GNA14: variants seen among roughly 807,000 people sequenced by gnomAD.
The protein encoded by GNA14 is guanine nucleotide-binding protein subunit alpha-14.
Under a neutral mutation model 42.0 loss-of-function variants are expected in GNA14, and 50 were observed. The ratio of observed to expected loss-of-function variants is 1.19; its 90% CI spans 0.95 to 1.51. The LOEUF (loss-of-function observed/expected upper bound fraction) is 1.51, where lower values mean the gene tolerates loss of function less well. Among genes scored for constraint, GNA14 ranks in the 40% most tolerant of loss-of-function variants. The probability of loss-of-function intolerance (pLI) is 0.00; values close to 1 mark genes in which losing one functional copy is unlikely to be tolerated. For missense variants in GNA14, 473 were observed against 446.2 expected (o/e 1.06, Z -0.54); for synonymous variants, 173 against 163.1 (o/e 1.06, Z -0.46).
chr9:77,603,757 A>G (rs1823604571), intron 1 of GNA14, among the ~76,000 whole-genome samples: 1 of 151,952 alleles, frequency 6.6e-6, no homozygotes, highest in African/African-American at 2.4e-5. Flanking sequence ...CGAGGTCAGG[A>G]GATTGAGACT....
At chr9:77,425,236 C>T (rs1564009897) in intron 6 of GNA14, among the ~76,000 whole-genome samples, 1 of 152,120 alleles carries the variant, frequency 6.6e-6, no homozygotes, top group Non-Finnish European at 1.5e-5. Context: ...AAGGAGGAGG[C>T]ACCCTTCCTG....
intron 1 of GNA14, among the ~76,000 whole-genome samples, chr9:77,636,266 CTAA>C (rs1824182343): frequency 1.3e-5 from 2 of 152,278 alleles, no homozygotes; most frequent in South Asian, 4.1e-4. Flanking sequence ...GATAATCCAT[CTAA>C]TAATAACTGA....
intron 2 of GNA14, among the ~76,000 whole-genome samples, chr9:77,480,658 G>C (rs1377572203): frequency 6.6e-6 from 1 of 152,160 alleles, no homozygotes; most frequent in East Asian, 1.9e-4. Flanking sequence ...GTAGAATTCG[G>C]CTGTGAATCC....
intron 1 of GNA14, among the ~76,000 whole-genome samples, chr9:77,624,909 C>T (rs183645893): frequency 3.3e-5 from 5 of 151,862 alleles, no homozygotes; most frequent in Admixed American, 1.3e-4. Flanking sequence ...ATGAATTTGA[C>T]GAATTGACCG....
chr9:77,563,906 AC>A (rs1443986620), intron 1 of GNA14, among the ~76,000 whole-genome samples: 2 of 152,190 alleles, frequency 1.3e-5, no homozygotes, highest in African/African-American at 4.8e-5. Flanking sequence ...GACCAGCACT[AC>A]TTTTACAAGC....
intron 1 of GNA14, among the ~76,000 whole-genome samples, chr9:77,566,607 CAAAT>C (rs1194094670): frequency 6.6e-6 from 1 of 152,132 alleles, no homozygotes; most frequent in Non-Finnish European, 1.5e-5. Flanking sequence ...CTTTAAAGAA[CAAAT>C]AAATAAATCC....
At chr9:77,545,699 T>C (rs1213690395) in intron 1 of GNA14, among the ~76,000 whole-genome samples, 2 of 152,194 alleles carry the variant, frequency 1.3e-5, no homozygotes, top group African/African-American at 4.8e-5. Flanking sequence ...AGTGTCCAAC[T>C]CATCCTCACA....
chr9:77,634,857 T>G (rs569738530), intron 1 of GNA14, among the ~76,000 whole-genome samples: 19 of 152,330 alleles, frequency 1.2e-4, no homozygotes, highest in African/African-American at 3.8e-4. Flanking sequence ...CTTAGCATTG[T>G]GGGTTCAATA....
chr9:77,473,797 G>A (rs1836372377), intron 2 of GNA14, among the ~76,000 whole-genome samples: 1 of 152,088 alleles, frequency 6.6e-6, no homozygotes, highest in Non-Finnish European at 1.5e-5. Flanking sequence ...AAACAGTGTG[G>A]TACTGGCATA....
At chr9:77,616,800 T>C (rs1398617368) in intron 1 of GNA14, among the ~76,000 whole-genome samples, 1 of 152,206 alleles carries the variant, frequency 6.6e-6, no homozygotes, top group Non-Finnish European at 1.5e-5. Context: ...TCCAGCTCTC[T>C]GTGTTAGGGC....
At chr9:77,456,806 T>TA (rs1321861070) in intron 2 of GNA14, among the ~76,000 whole-genome samples, 1 of 152,108 alleles carries the variant, frequency 6.6e-6, no homozygotes, top group African/African-American at 2.4e-5. Flanking sequence ...AATATTATAG[T>TA]AAAAATAAAT....
intron 5 of GNA14, among the ~76,000 whole-genome samples, chr9:77,428,254 A>AT (rs955191918): frequency 6.0e-5 from 9 of 151,040 alleles, no homozygotes; most frequent in African/African-American, 2.2e-4. Context: ...AATTTTTTGT[A>AT]TTTTTTAGTA....
intron 2 of GNA14, among the ~76,000 whole-genome samples, chr9:77,451,033 A>G (rs1835893405): frequency 1.3e-5 from 2 of 152,112 alleles, no homozygotes; most frequent in South Asian, 4.1e-4. Context: ...TAAATTACCC[A>G]GTCTTGGGTT....
At chr9:77,450,296 C>T (rs538254298) in intron 2 of GNA14, among the ~76,000 whole-genome samples, 3 of 152,210 alleles carry the variant, frequency 2.0e-5, no homozygotes, top group African/African-American at 7.2e-5. Flanking sequence ...GTGGTCAGCC[C>T]CAGCAAAACA....
chr9:77,433,525 G>A (rs1202024960), intron 3 of GNA14, among the ~76,000 whole-genome samples: 1 of 151,782 alleles, frequency 6.6e-6, no homozygotes, highest in African/African-American at 2.4e-5. Context: ...CAGCTGCCCA[G>A]CTAATTTTTG....
chr9:77,625,203 G>T (rs1239645312), intron 1 of GNA14, among the ~76,000 whole-genome samples: 1 of 151,950 alleles, frequency 6.6e-6, no homozygotes, highest in Admixed American at 6.6e-5. Flanking sequence ...GACAAAAAAA[G>T]AATGAAAAGG....
At chr9:77,626,243 A>G (rs562644378) in intron 1 of GNA14, among the ~76,000 whole-genome samples, 1 of 152,338 alleles carries the variant, frequency 6.6e-6, no homozygotes, top group Non-Finnish European at 1.5e-5. Flanking sequence ...TCACAAAGCA[A>G]GTTCTTAGAG....
intron 2 of GNA14, among the ~76,000 whole-genome samples, chr9:77,519,228 T>C (rs1837311044): frequency 6.6e-6 from 1 of 152,116 alleles, no homozygotes; most frequent in Non-Finnish European, 1.5e-5. Flanking sequence ...CTGGCCAACA[T>C]GGTGAAACCT....
At chr9:77,427,864 C>T (rs73454035) in intron 5 of GNA14, among the ~76,000 whole-genome samples, 8,909 of 152,202 alleles carry the variant, frequency 0.059, 748 homozygotes, top group African/African-American at 0.18. Flanking sequence ...AGCACCACTG[C>T]CCACCCCAGT....
Sources: allele counts gnomAD v4.1 joint callset (sites outside exome capture counted in the v4.1 genomes callset), GRCh38; gene constraint gnomAD v4.1.1; transcripts MANE v1.5; gene names NCBI Gene and HGNC (gene_info 2026-07-23, HGNC 2026-07-21).